The following TLK1 variants were observed in gnomAD, a reference collection of about 807,000 sequenced individuals.
The protein encoded by TLK1 is tousled like kinase 1.
TLK1 carries 24 observed loss-of-function variants against 105.3 expected under a neutral mutation model. That is an observed-to-expected ratio of 0.23 (90% confidence interval 0.17 to 0.32). The LOEUF is 0.32. TLK1 is among the 10% of genes least tolerant of loss of function. The pLI is 1.00. For synonymous variants in TLK1, 321 were observed against 310.4 expected (o/e 1.03, Z -0.36); for missense variants, 558 against 910.5 (o/e 0.61, Z 4.98).
At chr2:171,116,738 G>C (rs1690449061) in intron 2 of TLK1, among the ~76,000 whole-genome samples, 1 of 151,716 alleles carries the variant, frequency 6.6e-6, no homozygotes, top group African/African-American at 2.4e-5. Flanking sequence ...AATAATTGAT[G>C]GTACAAGTAA....
intron 2 of TLK1, among the ~76,000 whole-genome samples, chr2:171,094,661 T>G (rs1171111483): frequency 6.6e-6 from 1 of 152,118 alleles, no homozygotes; most frequent in East Asian, 1.9e-4. Flanking sequence ...CAGGCTGGAG[T>G]GCAATGGCGT....
chr2:171,117,802 A>G lies in TLK1; in HGVS notation c.195T>C (p.Ala65=). 6.2e-7 allele frequency: 1 copy of G among 1,614,044 alleles called. No individual in the cohort carries two copies. The highest frequency in any genetic ancestry group is 1.1e-5 in the South Asian group (1 of 91,082). ...LDPRRQELLE[A]RFTGVASGST... ...TCCCACTTGCAACTCCAGTAAATCT[A>G]GCTTCCAATAACTCTTGCCTTCTTG... The change falls in exon 2 of 21, where the codon GCT becomes GCC. Residue 65 remains alanine, a synonymous_variant. Coordinates refer to ENST00000431350, the MANE Select transcript of TLK1 (RefSeq NM_012290.5).
In TLK1 at chr2:171,071,036, C is replaced by G. The variant is rs548055482; in HGVS notation, c.331-9880G>C. 3.3e-5 allele frequency among the ~76,000 whole-genome samples: 5 copies of G among 152,228 alleles called. No individual in the cohort carries two copies. The East Asian group carries it at 9.6e-4, about 29-fold the overall frequency. Reference sequence around the variant, plus strand: ...CTCTGATAAACAATGATATTGGGCACCTTTTCATCAAGTTGTTTGCCATTT... The same window carrying G: ...CTCTGATAAACAATGATATTGGGCAGCTTTTCATCAAGTTGTTTGCCATTT... On this transcript the variant is annotated intron_variant, in intron 3 of 20. Coordinates refer to ENST00000431350, the MANE Select transcript of TLK1 (RefSeq NM_012290.5).
At chr2:171,141,811 A>G (rs1236600921) in intron 1 of TLK1, among the ~76,000 whole-genome samples, 1 of 152,190 alleles carries the variant, frequency 6.6e-6, no homozygotes, top group Non-Finnish European at 1.5e-5. Flanking sequence ...GATAGGCCCA[A>G]ATAGAGAAAA....
chr2:171,089,688 G>T (rs1275301219), intron 2 of TLK1, among the ~76,000 whole-genome samples: 2 of 151,944 alleles, frequency 1.3e-5, no homozygotes, highest in Non-Finnish European at 2.9e-5. Context: ...TATTTTTTAA[G>T]AGACCAGGTC....
At chr2:171,006,349 A>C in intron 17 of TLK1, 67 bp from the exon 18 acceptor site, 1 of 1,484,644 alleles carries the variant, frequency 6.7e-7, no homozygotes, top group Non-Finnish European at 9.0e-7. Flanking sequence ...ATAACTTTTA[A>C]TTTTACTAGT....
rs949505303 is a variant in TLK1, at chr2:171,144,009, A to G, written c.139+16281T>C. 4.6e-5 allele frequency among the ~76,000 whole-genome samples: 7 copies of G among 152,246 alleles called. No individual in the cohort carries two copies. In the East Asian group the frequency reaches 1.3e-3, roughly 29 times the overall value. On this transcript the variant is annotated intron_variant, in intron 1 of 20. Coordinates refer to ENST00000431350, the MANE Select transcript of TLK1 (RefSeq NM_012290.5). ...GATAAGAGTAAATGGATGGGAAAAA[A>G]CATACCATGCAAAAGAGCTGGCATG...
At chr2:171,103,004 G>A (rs916923194) in intron 2 of TLK1, among the ~76,000 whole-genome samples, 90 of 152,202 alleles carry the variant, frequency 5.9e-4, no homozygotes, top group South Asian at 8.3e-4. Flanking sequence ...TACATACAGC[G>A]GTGAGATAAG....
At chr2:171,108,941 A>G (rs950321286) in intron 2 of TLK1, among the ~76,000 whole-genome samples, 1 of 152,214 alleles carries the variant, frequency 6.6e-6, no homozygotes, top group African/African-American at 2.4e-5. Context: ...AGAAAACCAT[A>G]TACCTAAAAC....
intron 14 of TLK1, among the ~76,000 whole-genome samples, chr2:171,008,204 G>T (rs1273555364): frequency 2.0e-5 from 3 of 152,086 alleles, no homozygotes. Flanking sequence ...TTTGCAATCA[G>T]ATTAGCTTAT....
chr2:171,063,649 T>C (rs1687858553), intron 3 of TLK1, among the ~76,000 whole-genome samples: 1 of 152,210 alleles, frequency 6.6e-6, no homozygotes, highest in Non-Finnish European at 1.5e-5. Flanking sequence ...AAATGTAAAG[T>C]TCAAAATGGT....
At chr2:171,189,678 A>G (rs1324148163) in intron 1 of TLK1, among the ~76,000 whole-genome samples, 1 of 152,216 alleles carries the variant, frequency 6.6e-6, no homozygotes, top group African/African-American at 2.4e-5. Flanking sequence ...AACAGGAAAT[A>G]TGACAGATAT....
chr2:171,087,115 C>T (rs370026145), intron 2 of TLK1, among the ~76,000 whole-genome samples: 2 of 152,132 alleles, frequency 1.3e-5, no homozygotes, highest in East Asian at 1.9e-4. Context: ...TCATTCACAG[C>T]GTGGAGGATA....
intron 1 of TLK1, among the ~76,000 whole-genome samples, chr2:171,134,770 G>A (rs1172379689): frequency 8.2e-6 from 1 of 121,994 alleles, no homozygotes; most frequent in Admixed American, 1.1e-4. Context: ...TTGCTCTGTC[G>A]CCCAAGCTGG....
At chr2:171,067,326 G>GTT (rs11399479) in intron 3 of TLK1, among the ~76,000 whole-genome samples, 37 of 150,244 alleles carry the variant, frequency 2.5e-4, no homozygotes, top group South Asian at 8.5e-4. Context: ...CACCCAGCTT[G>GTT]TTTTTTTTGT....
chr2:171,090,237 C>T (rs961746717), intron 2 of TLK1, among the ~76,000 whole-genome samples: 25 of 151,970 alleles, frequency 1.6e-4, no homozygotes, highest in Admixed American at 8.5e-4. Flanking sequence ...ATTTTTAATA[C>T]TGTATATGGT....
Position 171,108,876 on chromosome 2 carries a change from A to G in TLK1, c.258+8863T>C, listed in dbSNP as rs965545511. On this transcript the variant is annotated intron_variant, in intron 2 of 20. Coordinates refer to ENST00000431350, the MANE Select transcript of TLK1 (RefSeq NM_012290.5). The stretch of plus-strand genomic sequence containing the variant: ...CTCCCAAAGTGCTGGGATTACAGGC[A>G]TGAGCCACTACTCCCAGCCCCAAGA... Among the ~76,000 whole-genome samples the G allele has an allele frequency of 1.1e-4, 16 of 152,292 alleles. No individual in the cohort carries two copies. In the East Asian group the frequency reaches 2.7e-3, roughly 26 times the overall value.
chr2:171,179,260 C>T (rs779247836), intron 1 of TLK1, among the ~76,000 whole-genome samples: 4 of 152,156 alleles, frequency 2.6e-5, no homozygotes, highest in Non-Finnish European at 5.9e-5. Flanking sequence ...TACAGGGCAC[C>T]CTTTTATTCC....
chr2:171,034,006 A>T (rs918426853), intron 11 of TLK1, among the ~76,000 whole-genome samples: 4 of 152,110 alleles, frequency 2.6e-5, no homozygotes, highest in Admixed American at 2.6e-4. Context: ...ACCAGCAAAC[A>T]CATTAAAAGA....
Sources: gnomAD v4.1 joint callset for allele counts (sites outside exome capture counted in the v4.1 genomes callset) on GRCh38, gnomAD v4.1.1 for gene constraint, MANE v1.5 for transcripts, NCBI Gene and HGNC (gene_info 2026-07-23, HGNC 2026-07-21) for gene names.